TRAPPC9: variants seen among roughly 807,000 people sequenced by gnomAD.
TRAPPC9 encodes the protein trafficking protein particle complex subunit 9, also known as IKK2 binding protein.
In TRAPPC9, 83 loss-of-function variants were observed where a neutral mutation model predicts 124.0. The ratio of observed to expected loss-of-function variants is 0.67; its 90% CI spans 0.56 to 0.80. The LOEUF is 0.80. TRAPPC9 is among the 30% of genes least tolerant of loss of function. TRAPPC9 has a pLI of 0.00. For missense variants in TRAPPC9, 1,302 were observed against 1,508.3 expected, an observed-to-expected ratio of 0.86 and a Z score of 2.27; for synonymous variants, 638 against 617.5, an observed-to-expected ratio of 1.03 and a Z score of -0.49.
intron 15 of TRAPPC9, among the ~76,000 whole-genome samples, chr8:140,254,791 C>A (rs114684940): frequency 0.012 from 1,899 of 152,300 alleles, 27 homozygotes; most frequent in African/African-American, 0.043. Flanking sequence ...TCCATGGTCA[C>A]CAACTATGGA....
chr8:140,140,946 C>T (rs893502401), intron 17 of TRAPPC9, among the ~76,000 whole-genome samples: 15 of 152,168 alleles, frequency 9.9e-5, no homozygotes, highest in African/African-American at 2.9e-4. Context: ...ATAGTTAATC[C>T]CGAGGAGATG....
chr8:139,842,578 C>CCGCT (rs1367694442), intron 21 of TRAPPC9, among the ~76,000 whole-genome samples: 1 of 152,150 alleles, frequency 6.6e-6, no homozygotes, highest in African/African-American at 2.4e-5. Flanking sequence ...GAATCAACAT[C>CCGCT]CGCTCTCGCC....
chr8:140,333,847 G>T (rs1206532210), intron 9 of TRAPPC9, among the ~76,000 whole-genome samples: 1 of 152,180 alleles, frequency 6.6e-6, no homozygotes, highest in Non-Finnish European at 1.5e-5. Flanking sequence ...TTTCCACAAA[G>T]GTGGAAGTTT....
At chr8:139,905,546 A>G (rs544442673) in intron 20 of TRAPPC9, among the ~76,000 whole-genome samples, 2 of 152,208 alleles carry the variant, frequency 1.3e-5, no homozygotes, top group East Asian at 3.9e-4. Flanking sequence ...TGATGAGAAT[A>G]GAGAAGCAGA....
chr8:140,389,503 G>C (rs2068861829), intron 7 of TRAPPC9, among the ~76,000 whole-genome samples: 1 of 152,134 alleles, frequency 6.6e-6, no homozygotes, highest in Non-Finnish European at 1.5e-5. Context: ...CCACAGGATG[G>C]AACATGAGTC....
intron 18 of TRAPPC9, among the ~76,000 whole-genome samples, chr8:140,012,527 G>A (rs867238283): frequency 7.2e-5 from 11 of 152,336 alleles, no homozygotes; most frequent in Non-Finnish European, 1.5e-5. Flanking sequence ...AGCCCGATAA[G>A]GAGGCCCGCT....
chr8:139,884,191 A>G (rs944455793), intron 21 of TRAPPC9, among the ~76,000 whole-genome samples: 8 of 151,950 alleles, frequency 5.3e-5, no homozygotes, highest in African/African-American at 1.9e-4. Flanking sequence ...GGGCCCACCT[A>G]GAACAGTGTC....
intron 21 of TRAPPC9, among the ~76,000 whole-genome samples, chr8:139,826,613 G>C (rs1460934089): frequency 6.6e-6 from 1 of 152,234 alleles, no homozygotes; most frequent in Non-Finnish European, 1.5e-5. Context: ...ACATGGGCAG[G>C]GCTCGGCGAT....
intron 11 of TRAPPC9, among the ~76,000 whole-genome samples, chr8:140,299,249 T>C (rs1377170466): frequency 2.0e-5 from 3 of 150,270 alleles, no homozygotes; most frequent in Non-Finnish European, 3.0e-5. Context: ...TAAACCAGAG[T>C]GATGGTGGCA....
intron 17 of TRAPPC9, among the ~76,000 whole-genome samples, chr8:140,066,315 A>C (rs1244619215): frequency 6.6e-6 from 1 of 152,202 alleles, no homozygotes; most frequent in Non-Finnish European, 1.5e-5. Context: ...AGTTCACAGA[A>C]GCACTTTGTA....
At chr8:140,373,612 G>A (rs1300622408) in intron 7 of TRAPPC9, among the ~76,000 whole-genome samples, 4 of 151,596 alleles carry the variant, frequency 2.6e-5, no homozygotes, top group East Asian at 1.9e-4. Flanking sequence ...CGACGCCGAC[G>A]ATGTGTGAGA....
intron 19 of TRAPPC9, among the ~76,000 whole-genome samples, chr8:139,954,811 G>T (rs1834872905): frequency 6.6e-6 from 1 of 152,154 alleles, no homozygotes. Context: ...TTGAATAAAG[G>T]CCAATGTTGA....
rs547747790 is a variant in TRAPPC9 at position 139,956,403 on chromosome 8, C to T, written c.2810+32323G>A. On this transcript the variant is annotated intron_variant, in intron 19 of 22. Coordinates refer to ENST00000438773, the MANE Select transcript of TRAPPC9 (RefSeq NM_001160372.4). ...GTCTCAAACTCTTGACCTTGTGATC[C>T]GCCCACCTCAACCTCCCAAAGTGCT... Among the ~76,000 whole-genome samples, 19 of 152,232 alleles carry T rather than the reference C, an allele frequency of 1.2e-4. No individual in the cohort carries two copies. In the South Asian group the frequency reaches 1.9e-3, roughly 15 times the overall value.
intron 21 of TRAPPC9, among the ~76,000 whole-genome samples, chr8:139,883,973 A>C (rs547912128): frequency 6.6e-6 from 1 of 152,258 alleles, no homozygotes; most frequent in South Asian, 2.1e-4. Context: ...GATGCTCAAC[A>C]ATCCAATCTG....
intron 21 of TRAPPC9, among the ~76,000 whole-genome samples, chr8:139,861,263 T>C (rs10111662): frequency 1 from 151,848 of 152,346 alleles, 75,676 homozygotes; most frequent in Middle Eastern, 1. Context: ...GCAGGTAGCC[T>C]CTACTGCTGT....
At chr8:139,755,620 T>C (rs1423285777) in intron 21 of TRAPPC9, among the ~76,000 whole-genome samples, 4 of 104,568 alleles carry the variant, frequency 3.8e-5, no homozygotes, top group Non-Finnish European at 7.3e-5. Context: ...GGTTGGGGTA[T>C]AAGGACAGCA....
chr8:139,932,756 T>G, intron 19 of TRAPPC9: 1 of 343,540 alleles, frequency 2.9e-6, no homozygotes, highest in Non-Finnish European at 5.7e-6. Context: ...AGAATGAGAC[T>G]GTGTCTTCAA....
intron 7 of TRAPPC9, among the ~76,000 whole-genome samples, chr8:140,397,386 A>AAAGC (rs1563997489): frequency 2.0e-5 from 3 of 151,682 alleles, no homozygotes; most frequent in Non-Finnish European, 4.4e-5. Flanking sequence ...ACTTCTCCAA[A>AAAGC]AAACAAACAA....
intron 18 of TRAPPC9, among the ~76,000 whole-genome samples, chr8:140,017,621 T>C (rs7837910): frequency 0.49 from 74,885 of 152,028 alleles, 18,693 homozygotes; most frequent in Middle Eastern, 0.64. Context: ...CTCTTGATTA[T>C]TATAGCTTTA....
Sources: allele counts gnomAD v4.1 joint callset (sites outside exome capture counted in the v4.1 genomes callset), GRCh38; gene constraint gnomAD v4.1.1; transcripts MANE v1.5; gene names NCBI Gene and HGNC (gene_info 2026-07-23, HGNC 2026-07-21).